The following NLRP14 variants were observed in gnomAD, a reference collection of about 807,000 sequenced individuals.
The protein encoded by NLRP14 is NACHT, LRR and PYD domains-containing protein 14.
In NLRP14, 105 loss-of-function variants were observed where a neutral mutation model predicts 94.7. That is an observed-to-expected ratio of 1.11 (90% CI 0.95 to 1.30). NLRP14 has a LOEUF of 1.30. Ranked by LOEUF, NLRP14 falls within the 50% of genes most tolerant of loss-of-function variation. The probability of loss-of-function intolerance (pLI) is 0.00; values close to 1 mark genes in which losing one functional copy is unlikely to be tolerated. For missense variants in NLRP14, 1,362 were observed against 1,254.1 expected, an observed-to-expected ratio of 1.09 and a Z score of -1.30; for synonymous variants, 508 against 459.9, an observed-to-expected ratio of 1.10 and a Z score of -1.34.
the NLRP14 span, among the ~76,000 whole-genome samples, chr11:7,083,054 C>T: frequency 6.6e-6 from 1 of 152,170 alleles, no homozygotes; most frequent in Non-Finnish European, 1.5e-5. Context: ...GTTGAAGTGG[C>T]ACGGGGAAGA....
chr11:7,072,185 T>G (rs1852810790), downstream of NLRP14, among the ~76,000 whole-genome samples: 8 of 152,236 alleles, frequency 5.3e-5, no homozygotes, highest in Admixed American at 5.2e-4. Context: ...TGAGCATTTC[T>G]TATACTCCAC....
chr11:7,030,526 A>C (rs1852075376), intron 1 of NLRP14, among the ~76,000 whole-genome samples: 1 of 145,476 alleles, frequency 6.9e-6, no homozygotes, highest in African/African-American at 2.6e-5. Flanking sequence ...CCCACTTTTC[A>C]CCCCCAGCGC....
At chr11:7,035,966 T>C (rs1419666638) in intron 1 of NLRP14, among the ~76,000 whole-genome samples, 1 of 152,216 alleles carries the variant, frequency 6.6e-6, no homozygotes, top group African/African-American at 2.4e-5. Flanking sequence ...GTCAACTCTA[T>C]GACCTGGGCA....
At position 7,043,990 on chromosome 11, in the gene NLRP14, T is replaced by C. The variant is rs139392987; in HGVS notation, c.1958+6T>C. ...AGCCTCCCAACTAACACTTGGTAAG[T>C]GTGTTAGGGCCATTCCCTGGAAGTG... On this transcript the variant is annotated splice_donor_region_variant and intron_variant, in intron 4 of 11. Coordinates refer to ENST00000299481, the MANE Select transcript of NLRP14 (RefSeq NM_176822.4). 2.3e-3 allele frequency: 3,700 copies of C among 1,613,388 alleles called. 10 individuals are homozygous for C. The highest frequency in any genetic ancestry group is 2.8e-3 in the Non-Finnish European group (3,314 of 1,179,428).
At chr11:7,078,462 A>AGAAAAAAAAAG in the NLRP14 span, among the ~76,000 whole-genome samples, 1 of 88,486 alleles carries the variant, frequency 1.1e-5, no homozygotes, top group Non-Finnish European at 2.0e-5. Context: ...AAAAAAAAAA[A>AGAAAAAAAAAG]CAAAAAAATT....
the NLRP14 span, chr11:7,089,270 C>T: frequency 1.2e-6 from 2 of 1,609,536 alleles, no homozygotes; most frequent in South Asian, 1.1e-5. Context: ...AGTCGAGGGG[C>T]TTCGCGTTCG....
chr11:7,036,163 T>A (rs535409128), intron 1 of NLRP14, among the ~76,000 whole-genome samples: 8 of 152,354 alleles, frequency 5.3e-5, no homozygotes, highest in Non-Finnish European at 1.2e-4. Context: ...AAAATTTACA[T>A]CAATAAATTT....
chr11:7,079,904 C>T, the NLRP14 span, among the ~76,000 whole-genome samples: 1 of 152,048 alleles, frequency 6.6e-6, no homozygotes, highest in African/African-American at 2.4e-5. Flanking sequence ...GTTACACTGG[C>T]GGGAAGGCAG....
At chr11:7,089,979 G>A in the NLRP14 span, 6 of 1,613,126 alleles carry the variant, frequency 3.7e-6, no homozygotes, top group Admixed American at 6.7e-5. Flanking sequence ...TGAGAGCTAC[G>A]GAGAGCTGCG....
chr11:7,038,996 T>C, intron 2 of NLRP14, 121 bp downstream of exon 2: 1 of 885,232 alleles, frequency 1.1e-6, no homozygotes, highest in Non-Finnish European at 1.6e-6. Context: ...ATAAGCTCCA[T>C]GGTGGTCTTG....
the NLRP14 span, chr11:7,089,483 C>T: frequency 2.4e-6 from 3 of 1,256,700 alleles, no homozygotes; most frequent in Non-Finnish European, 3.0e-6. Context: ...CGCGGCGTTC[C>T]CCATCCCGGG....
At chr11:7,032,246 G>A (rs1852109648) in intron 1 of NLRP14, among the ~76,000 whole-genome samples, 1 of 152,052 alleles carries the variant, frequency 6.6e-6, no homozygotes, top group South Asian at 2.1e-4. Flanking sequence ...TTATGTAGAG[G>A]TTTTGTTTTC....
At chr11:7,056,285 G>C (rs1852513619) in intron 6 of NLRP14, among the ~76,000 whole-genome samples, 1 of 151,806 alleles carries the variant, frequency 6.6e-6, no homozygotes, top group Admixed American at 6.6e-5. Flanking sequence ...CTTAATAGTA[G>C]GTAAGGGTTG....
At chr11:7,051,998 A>G (rs1852447745) in intron 6 of NLRP14, among the ~76,000 whole-genome samples, 2 of 152,194 alleles carry the variant, frequency 1.3e-5, no homozygotes, top group South Asian at 2.1e-4. Flanking sequence ...AGAAAGATCT[A>G]TTCTCTTTGT....
chr11:7,057,953 G>C, intron 7 of NLRP14, 106 bp downstream of exon 7: 1 of 900,642 alleles, frequency 1.1e-6, no homozygotes, highest in South Asian at 1.3e-5. Flanking sequence ...TAACTGGCTC[G>C]TTTGTCAATT....
At chr11:7,021,503 A>C (rs1019763154) in intron 1 of NLRP14, among the ~76,000 whole-genome samples, 5 of 152,208 alleles carry the variant, frequency 3.3e-5, no homozygotes, top group Non-Finnish European at 7.3e-5. Flanking sequence ...CATTTTAAAA[A>C]TGTGGGCTTT....
the NLRP14 span, among the ~76,000 whole-genome samples, chr11:7,085,015 A>G: frequency 6.6e-6 from 1 of 152,242 alleles, no homozygotes; most frequent in East Asian, 1.9e-4. Flanking sequence ...CTGTGTTTCA[A>G]TAAAATTTAA....
At chr11:7,066,336 G>C (rs1852707036) in intron 10 of NLRP14, among the ~76,000 whole-genome samples, 1 of 152,212 alleles carries the variant, frequency 6.6e-6, no homozygotes, top group Non-Finnish European at 1.5e-5. Context: ...CAGTGTAAAA[G>C]TGTTCCTGTT....
At chr11:7,035,311 C>T (rs1565012463) in intron 1 of NLRP14, among the ~76,000 whole-genome samples, 4 of 152,136 alleles carry the variant, frequency 2.6e-5, no homozygotes, top group Admixed American at 6.5e-5. Flanking sequence ...GGCGACAGAG[C>T]GAGACTCCAT....
Sources: allele counts gnomAD v4.1 joint callset (sites outside exome capture counted in the v4.1 genomes callset), GRCh38; gene constraint gnomAD v4.1.1; transcripts MANE v1.5; gene names NCBI Gene and HGNC (gene_info 2026-07-23, HGNC 2026-07-21).